The following ART1 variants were observed in gnomAD, a reference collection of about 807,000 sequenced individuals.
ART1 encodes the protein ADP-ribosyltransferase 1.
In ART1, 29 loss-of-function variants were observed where a neutral mutation model predicts 27.0. That is an observed-to-expected ratio of 1.08 (90% CI 0.80 to 1.47). The LOEUF (loss-of-function observed/expected upper bound fraction) is 1.47. Among genes scored for constraint, ART1 ranks in the 40% most tolerant of loss-of-function variants. The pLI is 0.00. For synonymous variants in ART1, 201 were observed against 172.2 expected (o/e 1.17, Z -1.31); for missense variants, 480 against 423.0 (o/e 1.13, Z -1.18).
chr11:3,659,271 C>A lies in ART1; in HGVS notation c.58C>A (p.Leu20Ile). Reference sequence around the variant, plus strand: ...TGTGTCTGTGGGCCTCATGGAAGCACTTCAGGTATGGGCATCCCCCACTGT... The same window carrying A: ...TGTGTCTGTGGGCCTCATGGAAGCAATTCAGGTATGGGCATCCCCCACTGT... Reference protein sequence around the residue: ...LLVSVGLMEALQAQSHPITRR... With the variant: ...LLVSVGLMEAIQAQSHPITRR... The change falls in exon 2 of 5, where the codon CTT becomes ATT. Residue 20 changes from leucine to isoleucine, a missense_variant. By Grantham distance (5) the Leu-to-Ile change is conservative (BLOSUM62 2). Coordinates refer to ENST00000250693, the MANE Select transcript of ART1 (RefSeq NM_004314.3). 1 of 1,614,182 alleles carries A rather than the reference C, an allele frequency of 6.2e-7. No homozygotes were observed. Among genetic ancestry groups the A allele is most frequent in the Non-Finnish European group, 8.5e-7 (1 of 1,180,052 alleles).
intron 1 of ART1, 86 bp from the exon 2 acceptor site, chr11:3,659,074 ACT>A (rs2077596824): frequency 1.0e-5 from 8 of 768,068 alleles, no homozygotes; most frequent in Non-Finnish European, 1.3e-5. Flanking sequence ...CTGTCTTATG[ACT>A]CTCAGTGCCA....
At chr11:3,655,357 AG>A (rs2133957224) in intron 1 of ART1, 1 of 152,366 alleles carries the variant, frequency 6.6e-6, no homozygotes, top group South Asian at 2.1e-4. Context: ...GCCAATTAAA[AG>A]CCTGTTACCA....
At chr11:3,651,081 G>A (rs111546099) in intron 1 of ART1, among the ~76,000 whole-genome samples, 68,041 of 151,532 alleles carry the variant, frequency 0.45, 17,207 homozygotes, top group Admixed American at 0.66. Context: ...CAGAATCCGC[G>A]CCTTATCAAC....
intron 1 of ART1, chr11:3,655,369 C>G (rs1363444415): frequency 6.6e-6 from 1 of 152,224 alleles, no homozygotes; most frequent in Non-Finnish European, 1.5e-5. Flanking sequence ...CCTGTTACCA[C>G]TGTGATCAAC....
At chr11:3,651,301 G>C (rs61878536) in intron 1 of ART1, among the ~76,000 whole-genome samples, 2 of 150,578 alleles carry the variant, frequency 1.3e-5, no homozygotes, top group Non-Finnish European at 2.9e-5. Context: ...CTGTACTGCC[G>C]CAAGGCTTCA....
intron 1 of ART1, among the ~76,000 whole-genome samples, chr11:3,647,739 T>C (rs2077480936): frequency 6.6e-6 from 1 of 152,098 alleles, no homozygotes; most frequent in Non-Finnish European, 1.5e-5. Flanking sequence ...ATTGTGGGAA[T>C]GGTAACATGA....
intron 1 of ART1, among the ~76,000 whole-genome samples, chr11:3,653,223 A>G (rs2077540448): frequency 6.7e-6 from 1 of 148,874 alleles, no homozygotes; most frequent in Non-Finnish European, 1.5e-5. Context: ...ATAAGAAGAC[A>G]GGAATGTCAG....
At chr11:3,652,886 T>A (rs1201143065) in intron 1 of ART1, among the ~76,000 whole-genome samples, 1 of 150,258 alleles carries the variant, frequency 6.7e-6, no homozygotes, top group Non-Finnish European at 1.5e-5. Flanking sequence ...CACTCTCTAA[T>A]CAGATGTCCT....
At chr11:3,652,924 T>C (rs2077536623) in intron 1 of ART1, among the ~76,000 whole-genome samples, 2 of 149,452 alleles carry the variant, frequency 1.3e-5, no homozygotes, top group Admixed American at 1.3e-4. Flanking sequence ...AGACCTTTTA[T>C]ACCTGTTTTT....
intron 1 of ART1, among the ~76,000 whole-genome samples, chr11:3,651,352 C>A (rs982758713): frequency 1.3e-5 from 2 of 151,082 alleles, no homozygotes; most frequent in African/African-American, 4.9e-5. Context: ...AAATTTCATC[C>A]TCATCTGTTA....
Position 3,664,144 on chromosome 11 carries a change from GTTCCTCGTGGTGAGGGC to G in ART1, c.940_956del (p.Phe314LeufsTer25), listed in dbSNP as rs1251327449. On this transcript the variant is annotated frameshift_variant, in exon 5 of 5. Transcript: ENST00000250693. LOFTEE classifies it low-confidence loss of function (END_TRUNC). ...TCTGGTCTTTGCTGCTGCTGCTCTGGTTCCTCGTGGTGAGGGCCTTTCCAGATGGTCCAGGCCTCCTT... is the reference window on the plus strand; with the variant it reads ...TCTGGTCTTTGCTGCTGCTGCTCTGGCTTTCCAGATGGTCCAGGCCTCCTT... The G allele has an allele frequency of 6.2e-7, 1 of 1,613,836 alleles. No individual in the cohort carries two copies. Among genetic ancestry groups the G allele is most frequent in the African/African-American group, 1.3e-5 (1 of 74,880 alleles).
At chr11:3,649,075 C>A (rs2077494720) in intron 1 of ART1, among the ~76,000 whole-genome samples, 1 of 152,094 alleles carries the variant, frequency 6.6e-6, no homozygotes, top group South Asian at 2.1e-4. Flanking sequence ...TGACCCCTTT[C>A]CCGCTTTTCT....
At chr11:3,653,402 C>T (rs972049645) in intron 1 of ART1, among the ~76,000 whole-genome samples, 4 of 148,246 alleles carry the variant, frequency 2.7e-5, no homozygotes, top group East Asian at 1.9e-4. Context: ...CCTGGCTCAT[C>T]CTGGCTCAAA....
At chr11:3,648,798 A>G (rs971392298) in intron 1 of ART1, among the ~76,000 whole-genome samples, 6 of 150,902 alleles carry the variant, frequency 4.0e-5, no homozygotes, top group Non-Finnish European at 7.4e-5. Flanking sequence ...TAAGTACCCC[A>G]ACCCCTTTTC....
intron 4 of ART1, chr11:3,663,726 A>T (rs2077639710): frequency 5.5e-6 from 1 of 183,224 alleles, no homozygotes; most frequent in Non-Finnish European, 1.1e-5. Flanking sequence ...AGTAGCTTGG[A>T]CTACAGATAT....
chr11:3,648,679 G>A (rs1671068806), intron 1 of ART1, among the ~76,000 whole-genome samples: 1 of 152,150 alleles, frequency 6.6e-6, no homozygotes, highest in Non-Finnish European at 1.5e-5. Context: ...ATCATTGCAG[G>A]GACACCTCTC....
At chr11:3,648,877 C>A (rs771313002) in intron 1 of ART1, among the ~76,000 whole-genome samples, 1 of 152,096 alleles carries the variant, frequency 6.6e-6, no homozygotes, top group Non-Finnish European at 1.5e-5. Context: ...TTCTCCTTCA[C>A]CCTTAGCGGC....
At position 3,659,170 on chromosome 11, in the gene ART1, A is replaced by G. The variant is rs1243814547; in HGVS notation, c.-44A>G. 2 of 1,598,254 alleles carry G rather than the reference A, an allele frequency of 1.3e-6. No homozygotes were observed. The highest frequency in any genetic ancestry group is 1.1e-5 in the South Asian group (1 of 90,538). On this transcript the variant is annotated 5_prime_UTR_variant, in exon 2 of 5. Transcript: ENST00000250693. ...ACACTGCAATTTTCCAGATGAGGAA[A>G]CTGAGACCCAAAAAGAGACAGCAAC...
chr11:3,650,790 C>T (rs1354172116), intron 1 of ART1, among the ~76,000 whole-genome samples: 1 of 149,602 alleles, frequency 6.7e-6, no homozygotes, highest in African/African-American at 2.4e-5. Context: ...AGTTCAAAGC[C>T]TCCTTCACAT....
Sources: gnomAD v4.1 joint callset for allele counts (sites outside exome capture counted in the v4.1 genomes callset) on GRCh38, gnomAD v4.1.1 for gene constraint, MANE v1.5 for transcripts, NCBI Gene and HGNC (gene_info 2026-07-23, HGNC 2026-07-21) for gene names.